TENT5C: variants seen among roughly 807,000 people sequenced by gnomAD.
The protein encoded by TENT5C is terminal nucleotidyltransferase 5C.
In TENT5C, 5 loss-of-function variants were observed where a neutral mutation model predicts 22.2. The observed-to-expected ratio is 0.22, with a 90% CI of 0.12 to 0.47. TENT5C has a LOEUF of 0.47. Ranked by LOEUF, TENT5C falls within the 20% of genes least tolerant of loss-of-function variation. TENT5C has a pLI of 0.99. For synonymous variants in TENT5C, 199 were observed against 195.4 expected, an observed-to-expected ratio of 1.02 and a Z score of -0.15; for missense variants, 364 against 500.9, an observed-to-expected ratio of 0.73 and a Z score of 2.61.
chr1:117,623,930 C>G lies in TENT5C; in HGVS notation c.1062C>G (p.Thr354=), dbSNP rs770211681. The part of the protein sequence containing the change: ...QNIIPSATNV[T]CYYQPAPYVS... ...TCATCCCCAGTGCCACCAACGTCAC[C>G]TGTTACTACCAGCCGGCCCCTTACG... Residue 354 remains threonine (T), a synonymous_variant, in exon 2 of 2, where the codon ACC becomes ACG. Coordinates refer to ENST00000369448, the MANE Select transcript of TENT5C (RefSeq NM_017709.4). 2.5e-6 allele frequency: 4 copies of G among 1,614,016 alleles called. No individual in the cohort carries two copies. The highest frequency in any genetic ancestry group is 3.4e-6 in the Non-Finnish European group (4 of 1,180,030).
Position 117,626,967 on chromosome 1 carries a change from C to T in TENT5C, c.*2923C>T. The T allele has an allele frequency of 4.0e-6, 1 of 248,148 alleles. No individual in the cohort carries two copies. Among genetic ancestry groups the T allele is most frequent in the East Asian group, 6.0e-5 (1 of 16,596 alleles). The allele number at this position is 248,148 out of a possible 1,614,324, so 15.4% of individuals were successfully genotyped here. ...CGCACTAGATGCCTGACCTTGAGCT[C>T]TAGTCTCCCCTTTAAATCTTACCTT... On this transcript the variant is annotated 3_prime_UTR_variant, in exon 2 of 2. Transcript: ENST00000369448.
At chr1:117,610,716 A>T (rs1159664660) in intron 1 of TENT5C, among the ~76,000 whole-genome samples, 1 of 152,118 alleles carries the variant, frequency 6.6e-6, no homozygotes, top group Non-Finnish European at 1.5e-5. Context: ...TTTAGTAGAG[A>T]TGGGGTTTCA....
chr1:117,617,526 C>T (rs1381188744), intron 1 of TENT5C, among the ~76,000 whole-genome samples: 3 of 152,078 alleles, frequency 2.0e-5, no homozygotes, highest in African/African-American at 7.2e-5. Flanking sequence ...TCTGCAGGAA[C>T]AAATTATGGT....
intron 1 of TENT5C, among the ~76,000 whole-genome samples, chr1:117,617,598 G>A (rs1305791654): frequency 6.6e-6 from 1 of 152,080 alleles, no homozygotes; most frequent in Admixed American, 6.5e-5. Context: ...ACAGTAAAAG[G>A]GAAATGAAAC....
chr1:117,612,756 A>G (rs186063897), intron 1 of TENT5C, among the ~76,000 whole-genome samples: 9 of 152,338 alleles, frequency 5.9e-5, no homozygotes, highest in Admixed American at 1.3e-4. Flanking sequence ...GGGTGTGTTT[A>G]TGGTCTAACG....
chr1:117,617,912 G>A (rs1054679742), intron 1 of TENT5C, among the ~76,000 whole-genome samples: 3 of 152,192 alleles, frequency 2.0e-5, no homozygotes, highest in Non-Finnish European at 4.4e-5. Flanking sequence ...TTGTTTGGAC[G>A]AGTGAGGGAC....
intron 1 of TENT5C, among the ~76,000 whole-genome samples, chr1:117,609,940 A>T (rs1165510713): frequency 6.6e-6 from 1 of 151,996 alleles, no homozygotes; most frequent in Non-Finnish European, 1.5e-5. Context: ...TTTGGAGCTG[A>T]GGGGCAGTGA....
intron 1 of TENT5C, among the ~76,000 whole-genome samples, chr1:117,615,202 T>C (rs1399136297): frequency 2.0e-5 from 3 of 152,248 alleles, no homozygotes; most frequent in Non-Finnish European, 4.4e-5. Flanking sequence ...AAAATCTTTA[T>C]ACCTTCCTTC....
chr1:117,607,215 T>A (rs1653561360), intron 1 of TENT5C, among the ~76,000 whole-genome samples: 1 of 152,186 alleles, frequency 6.6e-6, no homozygotes, highest in South Asian at 2.1e-4. Flanking sequence ...CTGGCGAGCT[T>A]CTGGAGAACC....
chr1:117,618,243 G>C (rs1484698618), intron 1 of TENT5C, among the ~76,000 whole-genome samples: 2 of 152,140 alleles, frequency 1.3e-5, no homozygotes, highest in Non-Finnish European at 2.9e-5. Context: ...AGTTTTTGCA[G>C]CTGTAGCCAG....
intron 1 of TENT5C, among the ~76,000 whole-genome samples, chr1:117,619,618 A>G (rs1653853331): frequency 6.6e-6 from 1 of 152,302 alleles, no homozygotes; most frequent in East Asian, 1.9e-4. Flanking sequence ...CTGTATAAGT[A>G]TATATAAATG....
chr1:117,613,091 T>C (rs536935214), intron 1 of TENT5C, among the ~76,000 whole-genome samples: 1 of 152,346 alleles, frequency 6.6e-6, no homozygotes, highest in South Asian at 2.1e-4. Flanking sequence ...GCAGGCTCTC[T>C]TTGGGGAGCT....
chr1:117,606,053 A>C lies in TENT5C; in HGVS notation c.-128A>C, dbSNP rs1274743346. ...GGAGGGGGCGGCGGCGGGACGGCTC[A>C]CTCGGTGCCGCTGCCTAGGGGCTGT... On this transcript the variant is annotated 5_prime_UTR_variant, in exon 1 of 2. Transcript: ENST00000369448. 1 of 151,748 alleles carries C rather than the reference A, an allele frequency of 6.6e-6. No individual in the cohort carries two copies. The highest frequency in any genetic ancestry group is 1.5e-5 in the Non-Finnish European group (1 of 67,964). 9.4% of individuals were successfully genotyped at this position (151,748 alleles called of 1,614,324 possible).
chr1:117,625,239 T>G lies in TENT5C; in HGVS notation c.*1195T>G, dbSNP rs1653982273. 4.0e-6 allele frequency: 1 copy of G among 247,976 alleles called. No individual in the cohort carries two copies. The highest frequency in any genetic ancestry group is 8.5e-6 in the Non-Finnish European group (1 of 118,118). The allele number at this position is 247,976 out of a possible 1,614,324, so 15.4% of individuals were successfully genotyped here. A position where few individuals can be genotyped will look rare whatever the true frequency, so the allele number is the denominator to read the frequency against. On this transcript the variant is annotated 3_prime_UTR_variant, in exon 2 of 2. Transcript: ENST00000369448. ...TAACCTGCTGTCTTCGTGCTCTGTG[T>G]GAAGGGGAAGCTGGGGGGTTAGCAT...
At chr1:117,606,344 C>A (rs1653528558) in intron 1 of TENT5C, among the ~76,000 whole-genome samples, 191 bp downstream of exon 1, 1 of 151,180 alleles carries the variant, frequency 6.6e-6, no homozygotes, top group Non-Finnish European at 1.5e-5. Flanking sequence ...TCCCCTCCTG[C>A]TCCCTCGAGG....
chr1:117,610,509 C>T (rs889162450), intron 1 of TENT5C, among the ~76,000 whole-genome samples: 5 of 152,182 alleles, frequency 3.3e-5, no homozygotes, highest in Non-Finnish European at 7.3e-5. Flanking sequence ...TCTTTTCACA[C>T]CTCGATTCAT....
chr1:117,619,320 A>T (rs908936373), intron 1 of TENT5C, among the ~76,000 whole-genome samples: 1 of 152,156 alleles, frequency 6.6e-6, no homozygotes, highest in African/African-American at 2.4e-5. Context: ...GATAAAAATG[A>T]TACGTTGAGG....
At chr1:117,611,805 C>A (rs532083997) in intron 1 of TENT5C, among the ~76,000 whole-genome samples, 3 of 152,302 alleles carry the variant, frequency 2.0e-5, no homozygotes, top group Admixed American at 2.0e-4. Flanking sequence ...TGCCATCGAA[C>A]CACGGCACTG....
intron 1 of TENT5C, among the ~76,000 whole-genome samples, chr1:117,621,283 C>T (rs925560762): frequency 1.3e-5 from 2 of 152,210 alleles, no homozygotes; most frequent in Non-Finnish European, 2.9e-5. Context: ...CCCCAACCAA[C>T]AGCTCATGTT....
Sources: gnomAD v4.1 joint callset for allele counts (sites outside exome capture counted in the v4.1 genomes callset) on GRCh38, gnomAD v4.1.1 for gene constraint, MANE v1.5 for transcripts, NCBI Gene and HGNC (gene_info 2026-07-23, HGNC 2026-07-21) for gene names.